Variants in ARHGAP39 observed in about 807,000 individuals in gnomAD.
ARHGAP39 encodes Rho GTPase activating protein 39.
ARHGAP39 carries 44 observed loss-of-function variants against 106.9 expected under a neutral mutation model. The observed-to-expected ratio is 0.41, with a 90% CI of 0.32 to 0.53. ARHGAP39 has a LOEUF of 0.53. Ranked by LOEUF, ARHGAP39 falls within the 20% of genes least tolerant of loss-of-function variation. ARHGAP39 has a pLI of 0.21. For synonymous variants in ARHGAP39, 768 were observed against 693.2 expected (o/e 1.11, Z -1.69); for missense variants, 1,496 against 1,577.3 (o/e 0.95, Z 0.87).
intron 1 of ARHGAP39, among the ~76,000 whole-genome samples, chr8:144,668,682 A>G (rs1425901355): frequency 6.6e-6 from 1 of 152,246 alleles, no homozygotes; most frequent in Non-Finnish European, 1.5e-5. Flanking sequence ...ATGGTAAGAC[A>G]TTCCATGTTC....
chr8:144,648,162 C>T (rs578118974), intron 1 of ARHGAP39, among the ~76,000 whole-genome samples: 14 of 152,216 alleles, frequency 9.2e-5, no homozygotes, highest in South Asian at 4.1e-4. Context: ...AGCTGCTCCA[C>T]GGCCCCAGCT....
chr8:144,564,864 T>C (rs555133157), intron 3 of ARHGAP39, among the ~76,000 whole-genome samples: 1 of 151,180 alleles, frequency 6.6e-6, no homozygotes, highest in East Asian at 1.9e-4. Context: ...CCCAGCACTT[T>C]GGGAGGCCAA....
chr8:144,554,732 GTCCTCTA>G (rs1447235215), intron 4 of ARHGAP39, among the ~76,000 whole-genome samples: 2 of 152,184 alleles, frequency 1.3e-5, no homozygotes, highest in Non-Finnish European at 2.9e-5. Context: ...TATAAAACCT[GTCCTCTA>G]TCAAACAGCC....
At chr8:144,574,181 A>AGAC (rs112840672) in intron 3 of ARHGAP39, among the ~76,000 whole-genome samples, 120 of 148,068 alleles carry the variant, frequency 8.1e-4, no homozygotes, top group African/African-American at 2.6e-3. Context: ...AAGAAGATGA[A>AGAC]GATGAGGAGG....
chr8:144,530,298 T>A lies in ARHGAP39; in HGVS notation c.*124A>T. On this transcript the variant is annotated 3_prime_UTR_variant, in exon 12 of 12. Transcript: ENST00000377307. Reference sequence around the variant, plus strand: ...GTGGGGAGCGCCGGGGCCAGGGGCCTGGGGGAGTGGAGGGGGCTCCAGGGC... The same window carrying A: ...GTGGGGAGCGCCGGGGCCAGGGGCCAGGGGGAGTGGAGGGGGCTCCAGGGC... The A allele has an allele frequency of 9.3e-7, 1 of 1,076,196 alleles. No homozygotes were observed. The highest frequency in any genetic ancestry group is 1.3e-6 in the Non-Finnish European group (1 of 758,700). The allele number at this position is 1,076,196 out of a possible 1,614,324, so 66.7% of individuals were successfully genotyped here.
chr8:144,695,488 T>C, the ARHGAP39 span, among the ~76,000 whole-genome samples: 1 of 151,930 alleles, frequency 6.6e-6, no homozygotes, highest in Non-Finnish European at 1.5e-5. Context: ...TCTGAAAATG[T>C]GACAGGAGAG....
chr8:144,691,205 C>T, the ARHGAP39 span, among the ~76,000 whole-genome samples: 3 of 152,302 alleles, frequency 2.0e-5, no homozygotes, highest in African/African-American at 7.2e-5. Context: ...TTTGCAGGCA[C>T]AGCTGGCTCA....
the ARHGAP39 span, among the ~76,000 whole-genome samples, chr8:144,696,512 A>G: frequency 6.6e-6 from 1 of 152,154 alleles, no homozygotes; most frequent in East Asian, 1.9e-4. Context: ...CATTTTATTA[A>G]ATAAATATGC....
Position 144,533,276 on chromosome 8 carries a change from A to C in ARHGAP39, c.2738T>G (p.Val913Gly). ...GCTGCCGAACATGGACGGGCTGAAC[A>C]CGGCGTTCTTGGCATGCCGGATCTC... ...VEEIRHAKNAVFSPSMFGSAL... is the reference protein window; with the variant it reads ...VEEIRHAKNAGFSPSMFGSAL... The change falls in exon 9 of 12, where the codon GTG becomes GGG. Residue 913 changes from valine to glycine, a missense_variant. Physicochemically the swap from Val to Gly is moderately radical, Grantham distance 109. This residue lies in a region of ARHGAP39 where 470 missense variants were observed against 605.1 expected (regional missense o/e 0.78). Transcript: ENST00000377307. 1 of 1,613,106 alleles carries C rather than the reference A, an allele frequency of 6.2e-7. No individual in the cohort carries two copies.
At chr8:144,562,484 G>GCACTCCAGTGGTTTCCATCGGACT (rs1564849425) in intron 3 of ARHGAP39, among the ~76,000 whole-genome samples, 12 of 122,284 alleles carry the variant, frequency 9.8e-5, no homozygotes, top group African/African-American at 3.5e-4. Flanking sequence ...GGTTTCCATC[G>GCACTCCAGTGGTTTCCATCGGACT]CACTCCAGTG....
At chr8:144,562,327 C>T (rs1564849244) in intron 3 of ARHGAP39, among the ~76,000 whole-genome samples, 2 of 151,834 alleles carry the variant, frequency 1.3e-5, no homozygotes, top group African/African-American at 4.8e-5. Context: ...TTCCATCACG[C>T]TCCAGTGGTT....
chr8:144,583,455 G>A (rs1038453431), intron 2 of ARHGAP39, among the ~76,000 whole-genome samples: 2 of 152,154 alleles, frequency 1.3e-5, no homozygotes, highest in Non-Finnish European at 2.9e-5. Context: ...TCTGCCCACG[G>A]CCCGGGCGGG....
chr8:144,547,994 G>A lies in ARHGAP39; in HGVS notation c.1092C>T (p.Pro364=), dbSNP rs754198288. 5.0e-6 allele frequency: 8 copies of A among 1,610,214 alleles called. No individual in the cohort carries two copies. The highest frequency in any genetic ancestry group is 5.9e-6 in the Non-Finnish European group (7 of 1,179,120). ...RPFLQPNKQG[P]PSPCQQLVLT... is the part of the protein sequence containing the mutation. ...GCACCAGCTGCTGGCAGGGCGAGGG[G>A]GGGCCCTGCTTGTTGGGCTGGAGGA... Residue 364 remains proline (P), a synonymous_variant, in exon 5 of 12, where the codon CCC becomes CCT. Transcript: ENST00000377307. This position sits in a 1 kb window ranked among gnomAD's most constrained non-coding sequence, Gnocchi z 5.2.
chr8:144,640,750 T>C (rs984467952), intron 1 of ARHGAP39, among the ~76,000 whole-genome samples: 6 of 152,218 alleles, frequency 3.9e-5, no homozygotes, highest in East Asian at 1.9e-4. Context: ...CCATAAAACA[T>C]TGTTGAAAAC....
intron 1 of ARHGAP39, among the ~76,000 whole-genome samples, chr8:144,618,663 C>T (rs1425499251): frequency 6.6e-6 from 1 of 152,226 alleles, no homozygotes; most frequent in Middle Eastern, 3.2e-3. Flanking sequence ...CCGGGGCTGC[C>T]GCCTGCTCAG....
At chr8:144,614,741 G>GA (rs1030042603) in intron 1 of ARHGAP39, among the ~76,000 whole-genome samples, 23 of 152,186 alleles carry the variant, frequency 1.5e-4, no homozygotes, top group African/African-American at 5.3e-4. Context: ...CACAGCAGCA[G>GA]AGCAGCATTT....
intron 1 of ARHGAP39, among the ~76,000 whole-genome samples, chr8:144,615,757 T>C (rs557191440): frequency 2.8e-4 from 42 of 152,382 alleles, no homozygotes; most frequent in African/African-American, 9.1e-4. Context: ...TCTCATGCTC[T>C]GAAAGCTCGG....
intron 3 of ARHGAP39, among the ~76,000 whole-genome samples, chr8:144,579,441 G>C (rs548294153): frequency 1.3e-5 from 2 of 152,002 alleles, no homozygotes; most frequent in African/African-American, 4.8e-5. Context: ...TGCACCGCTC[G>C]CTCACCCACG....
intron 1 of ARHGAP39, among the ~76,000 whole-genome samples, chr8:144,648,869 T>C (rs985169680): frequency 2.6e-5 from 4 of 151,610 alleles, no homozygotes; most frequent in Non-Finnish European, 5.9e-5. Flanking sequence ...AAGAGGGAAA[T>C]TCATAGCACT....
Sources: gnomAD v4.1 joint callset for allele counts (sites outside exome capture counted in the v4.1 genomes callset) on GRCh38, gnomAD v4.1.1 for gene constraint, gnomAD v4.1.1 regional missense constraint, Gnocchi (gnomAD v3.1) non-coding constraint, MANE v1.5 for transcripts, NCBI Gene and HGNC (gene_info 2026-07-23, HGNC 2026-07-21) for gene names.